RCAN1: variants seen among roughly 807,000 people sequenced by gnomAD.
The protein encoded by RCAN1 is regulator of calcineurin 1, also known as calcipressin-1.
A neutral mutation model predicts 22.9 loss-of-function variants in RCAN1; 11 were observed. The ratio of observed to expected loss-of-function variants is 0.48; its 90% CI spans 0.30 to 0.79. RCAN1 has a LOEUF of 0.79. Among genes scored for constraint, RCAN1 ranks in the 30% least tolerant of loss-of-function variants. The pLI is 0.06. For synonymous variants in RCAN1, 136 were observed against 142.3 expected (o/e 0.96, Z 0.32); for missense variants, 291 against 337.8 (o/e 0.86, Z 1.09).
intron 1 of RCAN1, among the ~76,000 whole-genome samples, chr21:34,540,783 G>T (rs1422980774): frequency 6.6e-6 from 1 of 152,004 alleles, no homozygotes; most frequent in African/African-American, 2.4e-5. Context: ...TCAGGAGTTC[G>T]AGACAAGCCT....
At chr21:34,610,141 C>G (rs181612777) in intron 1 of RCAN1, among the ~76,000 whole-genome samples, 1 of 152,300 alleles carries the variant, frequency 6.6e-6, no homozygotes, top group Non-Finnish European at 1.5e-5. Context: ...CAATATGCTA[C>G]AACAGACTGG....
chr21:34,556,466 A>T (rs1043584757), intron 1 of RCAN1, among the ~76,000 whole-genome samples: 79 of 150,598 alleles, frequency 5.2e-4, no homozygotes, highest in Non-Finnish European at 3.3e-4. Context: ...TAATAGGTTT[A>T]AAATAAGGTC....
chr21:34,605,919 CAGAAAAAAA>C (rs1988510333), intron 1 of RCAN1, among the ~76,000 whole-genome samples: 1 of 135,840 alleles, frequency 7.4e-6, no homozygotes, highest in Admixed American at 7.3e-5. Flanking sequence ...GACTCGGTCT[CAGAAAAAAA>C]AAAAAAAAAA....
At chr21:34,581,670 C>G (rs1217537275) in intron 1 of RCAN1, among the ~76,000 whole-genome samples, 1 of 152,144 alleles carries the variant, frequency 6.6e-6, no homozygotes, top group Non-Finnish European at 1.5e-5. Flanking sequence ...AAATGTAAAG[C>G]CTCCATTGCC....
At position 34,614,215 on chromosome 21, in the gene RCAN1, C is replaced by T. The variant is rs1988757080; in HGVS notation, c.252+545G>A. The T allele has an allele frequency of 1.0e-6, 1 of 984,494 alleles. No individual in the cohort carries two copies. The allele number at this position is 984,494 out of a possible 1,614,324, so 61.0% of individuals were successfully genotyped here. On this transcript the variant is annotated intron_variant, in intron 1 of 3. Coordinates refer to ENST00000313806, the MANE Select transcript of RCAN1 (RefSeq NM_004414.7). The surrounding 1 kb of genome is among the most constrained non-coding windows in gnomAD (Gnocchi z 6.0). ...AAAGGTCTGAAAGATGGTCCCCTTC[C>T]CCCCAACACAATTCCACCAAAACTG...
chr21:34,566,806 G>A (rs1471440710), intron 1 of RCAN1, among the ~76,000 whole-genome samples: 1 of 152,190 alleles, frequency 6.6e-6, no homozygotes, highest in Admixed American at 6.5e-5. Context: ...TGAAGGGGGA[G>A]CAGGCGTGTC....
intron 1 of RCAN1, among the ~76,000 whole-genome samples, chr21:34,576,975 T>G (rs1218553419): frequency 6.6e-6 from 1 of 152,208 alleles, no homozygotes; most frequent in Non-Finnish European, 1.5e-5. Flanking sequence ...CAGAGATTAG[T>G]TGGGAACAGA....
At chr21:34,584,535 T>G (rs1045286767) in intron 1 of RCAN1, among the ~76,000 whole-genome samples, 1 of 152,210 alleles carries the variant, frequency 6.6e-6, no homozygotes. Context: ...CCACTCTTCT[T>G]CCATCACTGA....
At position 34,517,929 on chromosome 21, in the gene RCAN1, G is replaced by A. The variant is rs1490302267; in HGVS notation, c.*155C>T. The A allele has an allele frequency of 2.4e-6, 2 of 845,350 alleles. No homozygotes were observed. The highest frequency in any genetic ancestry group is 1.9e-6 in the Non-Finnish European group (1 of 538,446). The allele number at this position is 845,350 out of a possible 1,614,324, so 52.4% of individuals were successfully genotyped here. On this transcript the variant is annotated 3_prime_UTR_variant, in exon 4 of 4. Transcript: ENST00000313806. ...CTGGTGTGCAGCATTAGAACAAGGG[G>A]ACACGGCCTTGATTCTCTTCTGAGC...
intron 1 of RCAN1, among the ~76,000 whole-genome samples, chr21:34,561,026 T>C (rs1202990014): frequency 1.3e-5 from 2 of 152,180 alleles, no homozygotes; most frequent in Admixed American, 1.3e-4. Flanking sequence ...CTGGTGATAA[T>C]GAGTGAGTTT....
At chr21:34,559,277 C>CGCAG (rs1253420311) in intron 1 of RCAN1, 1 of 152,162 alleles carries the variant, frequency 6.6e-6, no homozygotes. Context: ...TGATTCACAG[C>CGCAG]GCAGGAGTCT....
intron 1 of RCAN1, among the ~76,000 whole-genome samples, chr21:34,565,614 T>C (rs1986974703): frequency 6.6e-6 from 1 of 152,226 alleles, no homozygotes; most frequent in Non-Finnish European, 1.5e-5. Flanking sequence ...TGTATATGTA[T>C]TGAACAAACT....
intron 1 of RCAN1, chr21:34,613,926 A>C: frequency 8.2e-7 from 1 of 1,222,216 alleles, no homozygotes; most frequent in Non-Finnish European, 1.1e-6. Context: ...GGCATCTCTC[A>C]AAGACCGGTT....
intron 1 of RCAN1, among the ~76,000 whole-genome samples, chr21:34,566,614 T>A (rs1475713882): frequency 6.6e-6 from 1 of 152,082 alleles, no homozygotes; most frequent in African/African-American, 2.4e-5. Context: ...ACTTCACTGT[T>A]CTCTGACCTG....
intron 1 of RCAN1, among the ~76,000 whole-genome samples, chr21:34,549,005 A>T (rs1182225076): frequency 6.6e-6 from 1 of 152,204 alleles, no homozygotes; most frequent in Non-Finnish European, 1.5e-5. Context: ...GTTGTGGTCC[A>T]ACACCCAGGA....
chr21:34,568,683 A>C (rs768000106), intron 1 of RCAN1, among the ~76,000 whole-genome samples: 6 of 152,226 alleles, frequency 3.9e-5, no homozygotes, highest in Admixed American at 6.5e-5. Flanking sequence ...CTGGGGCAGA[A>C]CCAGCAGGCA....
chr21:34,535,481 C>T (rs1985628031), intron 1 of RCAN1, among the ~76,000 whole-genome samples: 2 of 150,632 alleles, frequency 1.3e-5, no homozygotes, highest in Non-Finnish European at 2.9e-5. Context: ...TCTGCAACTA[C>T]AGAGAATGAC....
At chr21:34,600,508 A>G (rs181372007) in intron 1 of RCAN1, among the ~76,000 whole-genome samples, 31 of 152,300 alleles carry the variant, frequency 2.0e-4, no homozygotes, top group South Asian at 8.3e-4. Flanking sequence ...GAAGGGGAAG[A>G]TCAGGAGAGA....
chr21:34,540,953 C>T (rs1985888463), intron 1 of RCAN1, among the ~76,000 whole-genome samples: 1 of 152,032 alleles, frequency 6.6e-6, no homozygotes, highest in Admixed American at 6.5e-5. Context: ...CCACTGTATT[C>T]CAGCCTGGAA....
Sources: allele counts gnomAD v4.1 joint callset (sites outside exome capture counted in the v4.1 genomes callset), GRCh38; gene constraint gnomAD v4.1.1; non-coding constraint Gnocchi (gnomAD v3.1); transcripts MANE v1.5; gene names NCBI Gene and HGNC (gene_info 2026-07-23, HGNC 2026-07-21).